Variants in SGMS1 observed in about 807,000 individuals in gnomAD.
The protein encoded by SGMS1 is phosphatidylcholine:ceramide cholinephosphotransferase 1.
A neutral mutation model predicts 46.2 loss-of-function variants in SGMS1; 13 were observed. The ratio of observed to expected loss-of-function variants is 0.28; its 90% CI spans 0.18 to 0.45. The LOEUF (loss-of-function observed/expected upper bound fraction) is 0.45. Among genes scored for constraint, SGMS1 ranks in the 20% least tolerant of loss-of-function variants. SGMS1 has a pLI of 1.00. For synonymous variants in SGMS1, 203 were observed against 187.8 expected (o/e 1.08, Z -0.66); for missense variants, 324 against 519.9 (o/e 0.62, Z 3.66).
chr10:50,334,082 T>C (rs1847673166), intron 7 of SGMS1, among the ~76,000 whole-genome samples: 1 of 152,168 alleles, frequency 6.6e-6, no homozygotes, highest in Admixed American at 6.5e-5. Flanking sequence ...CTCTTTTTGC[T>C]AATGAAATTA....
chr10:50,395,543 AT>A (rs1848837572), intron 6 of SGMS1, among the ~76,000 whole-genome samples: 1 of 152,216 alleles, frequency 6.6e-6, no homozygotes, highest in African/African-American at 2.4e-5. Flanking sequence ...CCATTATTAC[AT>A]AATTTAAATA....
intron 8 of SGMS1, among the ~76,000 whole-genome samples, chr10:50,315,431 G>A (rs958524655): frequency 6.6e-6 from 1 of 152,190 alleles, no homozygotes; most frequent in Non-Finnish European, 1.5e-5. Context: ...ATTCTGGGAT[G>A]TGCACTGCCT....
chr10:50,319,106 C>T (rs1847397460), intron 8 of SGMS1, among the ~76,000 whole-genome samples: 1 of 148,570 alleles, frequency 6.7e-6, no homozygotes, highest in Admixed American at 6.8e-5. Flanking sequence ...ATCACATCTC[C>T]TTTAAGTGTT....
intron 2 of SGMS1, among the ~76,000 whole-genome samples, chr10:50,543,022 T>C (rs534894267): frequency 1.2e-3 from 184 of 152,236 alleles, no homozygotes; most frequent in Admixed American, 2.2e-3. Flanking sequence ...TGGGACAATT[T>C]TAACAAGGGA....
chr10:50,388,900 G>A (rs759639933), intron 6 of SGMS1, among the ~76,000 whole-genome samples: 2 of 152,086 alleles, frequency 1.3e-5, no homozygotes, highest in African/African-American at 2.4e-5. Context: ...TCTAGCAACC[G>A]GCAAACAAGT....
At chr10:50,474,144 G>C (rs1837400429) in intron 3 of SGMS1, 1 of 152,196 alleles carries the variant, frequency 6.6e-6, no homozygotes, top group African/African-American at 2.4e-5. Context: ...TGTTGAGTGA[G>C]AGTGACCTGG....
At chr10:50,499,327 G>A (rs1003264149) in intron 3 of SGMS1, among the ~76,000 whole-genome samples, 71 of 152,082 alleles carry the variant, frequency 4.7e-4, no homozygotes, top group African/African-American at 1.7e-3. Context: ...ATTCACTTAC[G>A]AAATTGTACA....
At chr10:50,579,970 G>A (rs1051779586) in intron 2 of SGMS1, among the ~76,000 whole-genome samples, 1 of 152,136 alleles carries the variant, frequency 6.6e-6, no homozygotes, top group Non-Finnish European at 1.5e-5. Context: ...TAGCTGATAT[G>A]GCTTAAAATA....
At chr10:50,607,442 C>T (rs182763895) in intron 1 of SGMS1, among the ~76,000 whole-genome samples, 71 of 152,348 alleles carry the variant, frequency 4.7e-4, no homozygotes, top group African/African-American at 1.7e-3. Flanking sequence ...CATATTACCT[C>T]TGCAAAGATT....
intron 5 of SGMS1, among the ~76,000 whole-genome samples, chr10:50,458,602 G>C (rs1837226185): frequency 6.6e-6 from 1 of 151,652 alleles, no homozygotes. Context: ...CTCGTGATCT[G>C]CCCGTCTCAG....
chr10:50,329,228 A>C (rs1847577415), intron 7 of SGMS1, among the ~76,000 whole-genome samples: 1 of 152,234 alleles, frequency 6.6e-6, no homozygotes. Context: ...TACCAACAGA[A>C]GTGATTTCAG....
intron 2 of SGMS1, among the ~76,000 whole-genome samples, chr10:50,535,266 T>C (rs1837990393): frequency 6.6e-6 from 1 of 151,804 alleles, no homozygotes; most frequent in Non-Finnish European, 1.5e-5. Context: ...TCTTAAAAAG[T>C]GTCTAGTCTT....
chr10:50,446,008 C>T (rs1837008133), intron 5 of SGMS1, among the ~76,000 whole-genome samples: 1 of 152,174 alleles, frequency 6.6e-6, no homozygotes, highest in Non-Finnish European at 1.5e-5. Context: ...CCCATCTCCC[C>T]TAGTGCTCCC....
upstream of SGMS1, among the ~76,000 whole-genome samples, chr10:50,624,431 G>A (rs1838894513): frequency 6.6e-6 from 1 of 152,136 alleles, no homozygotes; most frequent in Non-Finnish European, 1.5e-5. Context: ...GGAAACGGCC[G>A]ACCTGACTAT....
At chr10:50,464,257 G>A (rs1207642903) in intron 4 of SGMS1, among the ~76,000 whole-genome samples, 3 of 152,164 alleles carry the variant, frequency 2.0e-5, no homozygotes, top group Non-Finnish European at 4.4e-5. Flanking sequence ...CTTAAAAGTG[G>A]AAGTGGTAGA....
intron 4 of SGMS1, among the ~76,000 whole-genome samples, chr10:50,462,866 T>G (rs1184518417): frequency 6.6e-6 from 1 of 152,092 alleles, no homozygotes; most frequent in African/African-American, 2.4e-5. Flanking sequence ...TCCCTGCCTG[T>G]GAAGCAAAAA....
At chr10:50,507,878 C>A (rs1201443910) in intron 3 of SGMS1, among the ~76,000 whole-genome samples, 2 of 152,168 alleles carry the variant, frequency 1.3e-5, no homozygotes, top group Admixed American at 1.3e-4. Flanking sequence ...AATGGCAATG[C>A]CCAAGAGAAC....
intron 3 of SGMS1, among the ~76,000 whole-genome samples, chr10:50,505,972 T>C (rs993886482): frequency 4.6e-5 from 7 of 152,176 alleles, no homozygotes; most frequent in African/African-American, 1.7e-4. Context: ...CTTCTCCCAG[T>C]TGCTCAGGCC....
intron 5 of SGMS1, among the ~76,000 whole-genome samples, chr10:50,435,539 A>G (rs1487702250): frequency 6.6e-6 from 1 of 152,236 alleles, no homozygotes; most frequent in Non-Finnish European, 1.5e-5. Flanking sequence ...ACCTTAGTTG[A>G]CAGCCTTTAT....
Sources: gnomAD v4.1 joint callset for allele counts (sites outside exome capture counted in the v4.1 genomes callset) on GRCh38, gnomAD v4.1.1 for gene constraint, MANE v1.5 for transcripts, NCBI Gene and HGNC (gene_info 2026-07-23, HGNC 2026-07-21) for gene names.